Variants in PLOD2 observed in about 807,000 individuals in gnomAD.
PLOD2 encodes the protein lysine hydroxylase 2.
A neutral mutation model predicts 101.0 loss-of-function variants in PLOD2; 65 were observed. The observed-to-expected ratio is 0.64, with a 90% CI of 0.53 to 0.79. The LOEUF is 0.79. PLOD2 is among the 30% of genes least tolerant of loss of function. The pLI, the probability that PLOD2 is intolerant of heterozygous loss-of-function variation, is 0.00. For synonymous variants in PLOD2, 314 were observed against 302.9 expected (o/e 1.04, Z -0.38); for missense variants, 909 against 914.6 (o/e 0.99, Z 0.08).
intron 1 of PLOD2, among the ~76,000 whole-genome samples, chr3:146,142,280 A>G (rs1302280947): frequency 6.6e-6 from 1 of 152,054 alleles, no homozygotes; most frequent in Non-Finnish European, 1.5e-5. Flanking sequence ...ATTAATACGA[A>G]TGCAGTGTTT....
chr3:146,077,099 T>C (rs889195385), intron 14 of PLOD2: 6 of 1,237,620 alleles, frequency 4.8e-6, no homozygotes, highest in Non-Finnish European at 6.1e-6. Flanking sequence ...ACAAAACTAG[T>C]AGATAGCACT....
chr3:146,102,691 A>T, intron 7 of PLOD2, 64 bp downstream of exon 7: 1 of 829,400 alleles, frequency 1.2e-6, no homozygotes, highest in South Asian at 1.4e-5. Flanking sequence ...AATAGATGAC[A>T]TTCCACATAT....
chr3:146,081,898 A>T (rs1936555538), intron 11 of PLOD2, 35 bp from the exon 12 acceptor site: 1 of 1,573,828 alleles, frequency 6.4e-7, no homozygotes, highest in African/African-American at 1.4e-5. Flanking sequence ...AGAGAGAGAA[A>T]CCTATATAAT....
intron 15 of PLOD2, among the ~76,000 whole-genome samples, chr3:146,074,122 A>C (rs1488663164): frequency 2.0e-5 from 3 of 151,550 alleles, no homozygotes; most frequent in Non-Finnish European, 4.4e-5. Flanking sequence ...ATCCACACAC[A>C]AAGATATCTC....
At chr3:146,117,166 A>G (rs574677893) in intron 3 of PLOD2, among the ~76,000 whole-genome samples, 2 of 152,290 alleles carry the variant, frequency 1.3e-5, no homozygotes, top group African/African-American at 4.8e-5. Context: ...TAAAAGGCTC[A>G]TCTAAACCAC....
intron 7 of PLOD2, among the ~76,000 whole-genome samples, chr3:146,096,354 G>C (rs1402768653): frequency 1.0e-5 from 1 of 95,366 alleles, no homozygotes; most frequent in African/African-American, 4.4e-5. Flanking sequence ...CATCGTCTGG[G>C]ATATGAGGAG....
At chr3:146,092,592 T>C (rs1937011782) in intron 7 of PLOD2, among the ~76,000 whole-genome samples, 1 of 152,094 alleles carries the variant, frequency 6.6e-6, no homozygotes, top group Middle Eastern at 3.2e-3. Flanking sequence ...CCATTTTCTT[T>C]CAGATCTCTC....
chr3:146,101,939 T>C (rs1238965804), intron 7 of PLOD2, among the ~76,000 whole-genome samples: 2 of 152,214 alleles, frequency 1.3e-5, no homozygotes, highest in East Asian at 3.8e-4. Flanking sequence ...TCTTTCAGTT[T>C]GATGGAGCAG....
At position 146,088,613 on chromosome 3, in the gene PLOD2, T is replaced by C. The variant is rs1217745268; in HGVS notation, c.978A>G (p.Glu326=). The change falls in exon 9 of 20, where the codon GAA becomes GAG. Residue 326 remains glutamate, a synonymous_variant. Transcript: ENST00000282903. ...DILLTLDYPK[E]ALKLFIHNKE... ...TGTTATGAATAAAAAGTTTAAGTGCTTCTTTTGGGTAATCCAGTGTCAACA... is the reference window on the plus strand; with the variant it reads ...TGTTATGAATAAAAAGTTTAAGTGCCTCTTTTGGGTAATCCAGTGTCAACA... The C allele has an allele frequency of 6.3e-7, 1 of 1,588,344 alleles. No individual in the cohort carries two copies. Among genetic ancestry groups the C allele is most frequent in the Non-Finnish European group, 8.6e-7 (1 of 1,157,418 alleles).
At chr3:146,085,002 A>G (rs1936703632) in intron 11 of PLOD2, among the ~76,000 whole-genome samples, 167 bp downstream of exon 11, 1 of 152,092 alleles carries the variant, frequency 6.6e-6, no homozygotes, top group African/African-American at 2.4e-5. Context: ...GTTGTTTTCT[A>G]TGACTCCTTT....
chr3:146,105,352 T>C (rs1447480779), intron 5 of PLOD2: 1 of 152,136 alleles, frequency 6.6e-6, no homozygotes, highest in African/African-American at 2.4e-5. Context: ...ATCTTCAGGC[T>C]CCAAATTCTC....
Position 146,073,270 on chromosome 3 carries a change from TA to T in PLOD2, c.1743+16del. 1.0e-6 allele frequency: 1 copy of T among 968,760 alleles called. No homozygotes were observed. The highest frequency in any genetic ancestry group is 1.6e-6 in the Non-Finnish European group (1 of 627,046). The allele number at this position is 968,760 out of a possible 1,614,324, so 60.0% of individuals were successfully genotyped here. On this transcript the variant is annotated intron_variant, in intron 16 of 19. Coordinates refer to ENST00000282903, the MANE Select transcript of PLOD2 (RefSeq NM_182943.3). Reference sequence around the variant, plus strand: ...TAACAGCAAAATTTTCTATACTTTGTAATCATTAATACAAACCTGTTCAACT... The same window carrying T: ...TAACAGCAAAATTTTCTATACTTTGTATCATTAATACAAACCTGTTCAACT...
chr3:146,110,896 C>T (rs1015898005), intron 3 of PLOD2, among the ~76,000 whole-genome samples: 6 of 152,084 alleles, frequency 3.9e-5, no homozygotes, highest in Admixed American at 6.6e-5. Flanking sequence ...ATGTGTTTAA[C>T]TGCTAAATGT....
rs575679913 is a variant in PLOD2, at chr3:146,155,329, A to AAATTAATT, written c.109+5544_109+5551dup. On this transcript the variant is annotated intron_variant, in intron 1 of 19. Coordinates refer to ENST00000282903, the MANE Select transcript of PLOD2 (RefSeq NM_182943.3). ...ACAGAGTGAGACCCTGTCTATAAAT[A>AAATTAATT]AATTAATTAATTAATTAATTAAATA... Among the ~76,000 whole-genome samples the AAATTAATT allele has an allele frequency of 2.7e-3, 409 of 150,738 alleles. 2 individuals carry two copies. The highest frequency in any genetic ancestry group is 9.3e-3 in the African/African-American group (382 of 40,972).
chr3:146,081,032 T>C (rs566504531), intron 12 of PLOD2, among the ~76,000 whole-genome samples: 7 of 152,174 alleles, frequency 4.6e-5, no homozygotes, highest in African/African-American at 1.4e-4. Context: ...CTGACATGTT[T>C]GAGAACTAAG....
intron 2 of PLOD2, among the ~76,000 whole-genome samples, chr3:146,122,708 G>A (rs979377043): frequency 6.6e-6 from 1 of 152,098 alleles, no homozygotes; most frequent in Admixed American, 6.6e-5. Context: ...AAGTGGGGAT[G>A]GGGTCCAAGA....
intron 1 of PLOD2, among the ~76,000 whole-genome samples, chr3:146,124,926 C>T (rs138905323): frequency 3.2e-4 from 48 of 152,196 alleles, no homozygotes; most frequent in African/African-American, 1.2e-3. Context: ...TTCAATCCAA[C>T]ATAACACTTC....
In PLOD2 at chr3:146,070,985, C is replaced by T; in HGVS notation, c.2121+57G>A. On this transcript the variant is annotated intron_variant, in intron 19 of 19. Coordinates refer to ENST00000282903, the MANE Select transcript of PLOD2 (RefSeq NM_182943.3). ...AGAAACTAAGGCCTAAGGCAAAGTC[C>T]TTTTCATAATGATATATTTCTTTTG... 5 of 1,542,584 alleles carry T rather than the reference C, an allele frequency of 3.2e-6. 1 individual carries two copies. In the South Asian group the frequency reaches 4.5e-5, roughly 14 times the overall value.
At chr3:146,140,761 A>C (rs59492151) in intron 1 of PLOD2, among the ~76,000 whole-genome samples, 1,823 of 152,218 alleles carry the variant, frequency 0.012, 38 homozygotes, top group African/African-American at 0.042. Flanking sequence ...AAATGTGATA[A>C]TTAAGCAAAG....
Sources: gnomAD v4.1 joint callset for allele counts (sites outside exome capture counted in the v4.1 genomes callset) on GRCh38, gnomAD v4.1.1 for gene constraint, MANE v1.5 for transcripts, NCBI Gene and HGNC (gene_info 2026-07-23, HGNC 2026-07-21) for gene names.